The following ECT2 variants were observed in gnomAD, a reference collection of about 807,000 sequenced individuals.
The protein encoded by ECT2 is epithelial cell transforming 2.
ECT2 carries 61 observed loss-of-function variants against 116.9 expected under a neutral mutation model. That is an observed-to-expected ratio of 0.52 (90% CI 0.42 to 0.65). The LOEUF (loss-of-function observed/expected upper bound fraction) is 0.65. Ranked by LOEUF, ECT2 falls within the 30% of genes least tolerant of loss-of-function variation. The probability of loss-of-function intolerance (pLI) is 0.00; values close to 1 mark genes in which losing one functional copy is unlikely to be tolerated. For synonymous variants in ECT2, 358 were observed against 346.4 expected (o/e 1.03, Z -0.37); for missense variants, 937 against 1,078.7 (o/e 0.87, Z 1.84).
chr3:172,754,305 A>G (rs530944860), intron 1 of ECT2, among the ~76,000 whole-genome samples: 2 of 152,254 alleles, frequency 1.3e-5, no homozygotes, highest in African/African-American at 4.8e-5. Context: ...TGTTATTTTT[A>G]TTATATTCCT....
the ECT2 span, among the ~76,000 whole-genome samples, chr3:172,827,379 A>G: frequency 6.6e-6 from 1 of 152,244 alleles, no homozygotes; most frequent in Admixed American, 6.5e-5. Flanking sequence ...GAATCAACCT[A>G]AGTGTCCATC....
At chr3:172,757,573 G>GCTCA (rs1457847411) in intron 5 of ECT2, among the ~76,000 whole-genome samples, 1 of 151,994 alleles carries the variant, frequency 6.6e-6, no homozygotes, top group Non-Finnish European at 1.5e-5. Flanking sequence ...CCGCCACCAT[G>GCTCA]CTCAGCTACT....
intron 18 of ECT2, among the ~76,000 whole-genome samples, chr3:172,787,001 A>G (rs948340377): frequency 6.6e-6 from 1 of 152,178 alleles, no homozygotes; most frequent in Non-Finnish European, 1.5e-5. Context: ...GTTCTGTGGA[A>G]TTAAATTGGC....
chr3:172,820,216 A>G lies in ECT2; in HGVS notation c.2724A>G (p.Arg908=). 1 of 1,609,114 alleles carries G rather than the reference A, an allele frequency of 6.2e-7. No homozygotes were observed. The highest frequency in any genetic ancestry group is 1.7e-4 in the Middle Eastern group (1 of 6,036). The part of the protein sequence containing the change: ...FFERRSHTLS[R]STTHLI ...AAAGGAGAAGTCATACGTTAAGTAG[A>G]TCTACAACTCATTTGATATGAAGCG... is the stretch of plus-strand genomic sequence containing the variant. Residue 908 remains arginine (R), a synonymous_variant, in exon 25 of 25, where the codon AGA becomes AGG. Transcript: ENST00000392692.
Position 172,762,920 on chromosome 3 carries a change from G to A in ECT2, c.1016G>A (p.Gly339Glu). 6.2e-7 allele frequency: 1 copy of A among 1,613,780 alleles called. No individual in the cohort carries two copies. The highest frequency in any genetic ancestry group is 8.5e-7 in the Non-Finnish European group (1 of 1,179,798). ...LYVVKQEWFWGSIQMDARAGE... is the reference protein window; with the variant it reads ...LYVVKQEWFWESIQMDARAGE... ...TTTTCTCTCACCTAGTGGTTCTGGG[G>A]AAGCATTCAAATGGATGCCCGAGCT... The change falls in exon 11 of 25, where the codon GGA becomes GAA. Residue 339 changes from glycine to glutamate, a missense_variant. Transcript: ENST00000392692.
At chr3:172,764,112 G>A (rs1484644365) in intron 11 of ECT2, among the ~76,000 whole-genome samples, 166 bp from the exon 12 acceptor site, 2 of 152,168 alleles carry the variant, frequency 1.3e-5, no homozygotes, top group Admixed American at 1.3e-4. Flanking sequence ...GTCGTCTCTT[G>A]ACTATTATGT....
chr3:172,779,906 A>G (rs987142882), intron 14 of ECT2, among the ~76,000 whole-genome samples: 1 of 151,980 alleles, frequency 6.6e-6, no homozygotes, highest in African/African-American at 2.4e-5. Context: ...AAAAAAAAAA[A>G]AAAGAAAGAA....
At chr3:172,779,010 TGTAA>T in intron 14 of ECT2, among the ~76,000 whole-genome samples, 1 of 152,370 alleles carries the variant, frequency 6.6e-6, no homozygotes, top group Non-Finnish European at 1.5e-5. Context: ...AATGTTCTTA[TGTAA>T]GTATTTATTT....
chr3:172,798,091 A>C (rs1178746460), intron 18 of ECT2, among the ~76,000 whole-genome samples: 2 of 152,202 alleles, frequency 1.3e-5, no homozygotes, highest in African/African-American at 4.8e-5. Flanking sequence ...GATTTCTCTC[A>C]TCTTGAGAGA....
intron 18 of ECT2, among the ~76,000 whole-genome samples, chr3:172,792,365 GAAGCACAATAAAGTA>G (rs1174795908): frequency 4.0e-5 from 6 of 151,282 alleles, no homozygotes; most frequent in Non-Finnish European, 7.4e-5. Context: ...CACTATATGT[GAAGCACAATAAAGTA>G]AAGCACAATA....
chr3:172,762,671 T>C lies in ECT2; in HGVS notation c.890-20T>C, dbSNP rs1718552314. The C allele has an allele frequency of 1.9e-6, 3 of 1,595,176 alleles. No homozygotes were observed. The highest frequency in any genetic ancestry group is 2.6e-6 in the Non-Finnish European group (3 of 1,173,702). On this transcript the variant is annotated intron_variant, in intron 9 of 24. Transcript: ENST00000392692. ...AATAAGTAGCTTGGCTTATTTATGC[T>C]TATGTGCATTCCTTTTTAGGAGGTA... is the stretch of plus-strand genomic sequence containing the variant.
rs1167698036 is a variant in ECT2, at chr3:172,805,752, G to T, written c.2128G>T (p.Val710Phe). Residue 710 changes from valine (V) to phenylalanine (F), a missense_variant, in exon 21 of 25, where the codon GTT becomes TTT. Coordinates refer to ENST00000392692, the MANE Select transcript of ECT2 (RefSeq NM_001258315.2). Reference protein sequence around the residue: ...CLEIARKRHKVIGTFRSPHGQ... With the variant: ...CLEIARKRHKFIGTFRSPHGQ... ...TCAGATAGCAAGAAAACGGCACAAGGTTATTGGCACTTTTAGGAGTCCTCA... is the reference window on the plus strand; with the variant it reads ...TCAGATAGCAAGAAAACGGCACAAGTTTATTGGCACTTTTAGGAGTCCTCA... 2.5e-6 allele frequency: 4 copies of T among 1,613,492 alleles called. No individual in the cohort carries two copies. The highest frequency in any genetic ancestry group is 4.5e-5 in the East Asian group (2 of 44,860).
chr3:172,754,857 T>C (rs1716644517), intron 2 of ECT2, among the ~76,000 whole-genome samples, 197 bp downstream of exon 2: 1 of 152,200 alleles, frequency 6.6e-6, no homozygotes, highest in South Asian at 2.1e-4. Flanking sequence ...TTTGCAGCTT[T>C]GAAAAGGGAG....
At chr3:172,778,326 TCA>T (rs1263975315) in intron 14 of ECT2, among the ~76,000 whole-genome samples, 17 of 152,192 alleles carry the variant, frequency 1.1e-4, no homozygotes, top group Non-Finnish European at 2.9e-5. Context: ...GAAATACATC[TCA>T]GTCTCTGTCC....
chr3:172,822,188 A>C (rs1730724517), downstream of ECT2, among the ~76,000 whole-genome samples: 3 of 151,940 alleles, frequency 2.0e-5, no homozygotes, highest in African/African-American at 7.2e-5. Flanking sequence ...TTACACTGAC[A>C]AGTTAAAGAA....
intron 12 of ECT2, among the ~76,000 whole-genome samples, 183 bp downstream of exon 12, chr3:172,764,683 A>T (rs1718988944): frequency 6.6e-6 from 1 of 152,234 alleles, no homozygotes; most frequent in African/African-American, 2.4e-5. Flanking sequence ...ATGACTGCTT[A>T]CTACATGCTA....
chr3:172,827,672 A>G, the ECT2 span, among the ~76,000 whole-genome samples: 1 of 152,230 alleles, frequency 6.6e-6, no homozygotes, highest in Admixed American at 6.5e-5. Context: ...CAATGGGTAC[A>G]AAGATACAGT....
At chr3:172,789,275 A>C (rs1724202696) in intron 18 of ECT2, among the ~76,000 whole-genome samples, 1 of 145,894 alleles carries the variant, frequency 6.9e-6, no homozygotes, top group Admixed American at 7.0e-5. Flanking sequence ...GCCGGAGTGC[A>C]GTGGCACAGT....
intron 5 of ECT2, among the ~76,000 whole-genome samples, chr3:172,758,034 A>G (rs1027834968): frequency 5.9e-5 from 9 of 151,852 alleles, no homozygotes; most frequent in East Asian, 1.9e-4. Flanking sequence ...AGTTTTTTCT[A>G]TTTTTAGTAG....
Sources: allele counts gnomAD v4.1 joint callset (sites outside exome capture counted in the v4.1 genomes callset), GRCh38; gene constraint gnomAD v4.1.1; transcripts MANE v1.5; gene names NCBI Gene and HGNC (gene_info 2026-07-23, HGNC 2026-07-21).